ADK: variants seen among roughly 807,000 people sequenced by gnomAD.
ADK encodes N6,N6-dimethyladenosine kinase.
Under a neutral mutation model 44.7 loss-of-function variants are expected in ADK, and 24 were observed. That is an observed-to-expected ratio of 0.54 (90% confidence interval 0.39 to 0.76). ADK has a LOEUF of 0.76. Among genes scored for constraint, ADK ranks in the 30% least tolerant of loss-of-function variants. The pLI is 0.00. For synonymous variants in ADK, 128 were observed against 142.6 expected, an observed-to-expected ratio of 0.90 and a Z score of 0.73; for missense variants, 321 against 425.1, an observed-to-expected ratio of 0.76 and a Z score of 2.15.
At chr10:74,407,055 T>G (rs2132923465) in intron 6 of ADK, among the ~76,000 whole-genome samples, 1 of 150,826 alleles carries the variant, frequency 6.6e-6, no homozygotes, top group East Asian at 2.0e-4. Flanking sequence ...CAATATTGGG[T>G]CAATGCAACC....
At chr10:74,670,872 C>T (rs11001104) in intron 10 of ADK, among the ~76,000 whole-genome samples, 1 of 151,810 alleles carries the variant, frequency 6.6e-6, no homozygotes, top group South Asian at 2.1e-4. Context: ...GATCTAAAAT[C>T]TGATTCAAAA....
chr10:74,493,993 C>A (rs930591852), intron 6 of ADK, among the ~76,000 whole-genome samples: 2 of 151,832 alleles, frequency 1.3e-5, no homozygotes, highest in Non-Finnish European at 2.9e-5. Context: ...GTAATGTGGT[C>A]ATTTAATAGG....
At chr10:74,512,451 T>C (rs2133530805) in intron 6 of ADK, among the ~76,000 whole-genome samples, 1 of 148,572 alleles carries the variant, frequency 6.7e-6, no homozygotes, top group Admixed American at 6.8e-5. Flanking sequence ...ATTAAATCAA[T>C]CTTGTTTCTT....
At chr10:74,405,619 G>A (rs950908102) in intron 6 of ADK, among the ~76,000 whole-genome samples, 4 of 152,036 alleles carry the variant, frequency 2.6e-5, no homozygotes, top group Admixed American at 6.6e-5. Flanking sequence ...CTGCACAAGC[G>A]AGGGATCTAG....
intron 9 of ADK, among the ~76,000 whole-genome samples, chr10:74,609,818 A>C (rs376599111): frequency 4.6e-5 from 7 of 152,198 alleles, no homozygotes; most frequent in African/African-American, 1.7e-4. Flanking sequence ...TATGATATAC[A>C]TAAACTACTT....
intron 6 of ADK, among the ~76,000 whole-genome samples, chr10:74,491,862 T>C (rs1422180096): frequency 1.3e-5 from 2 of 152,188 alleles, no homozygotes; most frequent in African/African-American, 4.8e-5. Flanking sequence ...AGTATGGGGC[T>C]ATGGAGTTGG....
intron 4 of ADK, among the ~76,000 whole-genome samples, chr10:74,317,346 T>C (rs1840658971): frequency 6.6e-6 from 1 of 152,200 alleles, no homozygotes; most frequent in Non-Finnish European, 1.5e-5. Context: ...AGTTTGATAA[T>C]TGATGCTTTC....
At chr10:74,241,160 C>T (rs1017278372) in intron 3 of ADK, among the ~76,000 whole-genome samples, 4 of 152,180 alleles carry the variant, frequency 2.6e-5, no homozygotes, top group Admixed American at 6.6e-5. Context: ...ATTCAGCATA[C>T]GGTGTAATAT....
intron 3 of ADK, among the ~76,000 whole-genome samples, chr10:74,280,114 G>A (rs1021723969): frequency 6.6e-6 from 1 of 152,144 alleles, no homozygotes; most frequent in Non-Finnish European, 1.5e-5. Flanking sequence ...TGGTGGGATT[G>A]TGTCTTTTTA....
At chr10:74,489,254 A>T (rs1847382629) in intron 6 of ADK, among the ~76,000 whole-genome samples, 1 of 151,988 alleles carries the variant, frequency 6.6e-6, no homozygotes, top group Non-Finnish European at 1.5e-5. Context: ...CCAATGTAGA[A>T]GGGAAATGTC....
chr10:74,416,010 A>G (rs1027155212), intron 6 of ADK, among the ~76,000 whole-genome samples: 3 of 141,674 alleles, frequency 2.1e-5, no homozygotes, highest in African/African-American at 5.2e-5. Flanking sequence ...ACATACATTT[A>G]TATATACACA....
At chr10:74,334,776 C>G (rs1841350514) in intron 4 of ADK, among the ~76,000 whole-genome samples, 1 of 152,010 alleles carries the variant, frequency 6.6e-6, no homozygotes, top group Admixed American at 6.6e-5. Context: ...AGGGGGAGGG[C>G]TGGTCTCCAG....
At chr10:74,604,426 G>T (rs1281033347) in intron 9 of ADK, among the ~76,000 whole-genome samples, 1 of 152,108 alleles carries the variant, frequency 6.6e-6, no homozygotes, top group Non-Finnish European at 1.5e-5. Flanking sequence ...GTTAATTTTT[G>T]TATAAGGTGT....
At chr10:74,235,335 C>T (rs1387241979) in intron 3 of ADK, among the ~76,000 whole-genome samples, 6 of 151,960 alleles carry the variant, frequency 3.9e-5, no homozygotes, top group African/African-American at 1.2e-4. Context: ...AAAAAATTTT[C>T]CTTTTTCTTT....
chr10:74,219,666 T>C (rs1424563276), intron 2 of ADK, among the ~76,000 whole-genome samples: 1 of 151,710 alleles, frequency 6.6e-6, no homozygotes, highest in Non-Finnish European at 1.5e-5. Flanking sequence ...TATAACAAAC[T>C]GTCTCTCAGA....
At chr10:74,319,378 G>C (rs138693026) in intron 4 of ADK, among the ~76,000 whole-genome samples, 10 of 152,232 alleles carry the variant, frequency 6.6e-5, no homozygotes, top group African/African-American at 1.9e-4. Flanking sequence ...GCCTGCAGAT[G>C]GCTACCCTCT....
intron 6 of ADK, among the ~76,000 whole-genome samples, chr10:74,484,461 A>G (rs1847194702): frequency 6.6e-6 from 1 of 152,186 alleles, no homozygotes; most frequent in Non-Finnish European, 1.5e-5. Flanking sequence ...TATTTTTATT[A>G]CAAAGCTCAG....
intron 6 of ADK, among the ~76,000 whole-genome samples, chr10:74,458,259 T>G (rs1043375086): frequency 1.3e-5 from 2 of 148,492 alleles, no homozygotes; most frequent in Non-Finnish European, 3.0e-5. Flanking sequence ...AGGCTCCAAG[T>G]ATCTGGACTC....
At chr10:74,576,780 A>G (rs1298920968) in intron 7 of ADK, among the ~76,000 whole-genome samples, 2 of 152,102 alleles carry the variant, frequency 1.3e-5, no homozygotes, top group African/African-American at 2.4e-5. Flanking sequence ...ATTACCTTCA[A>G]TTTCCATTGT....
Sources: allele counts gnomAD v4.1 joint callset (sites outside exome capture counted in the v4.1 genomes callset), GRCh38; gene constraint gnomAD v4.1.1; transcripts MANE v1.5; gene names NCBI Gene and HGNC (gene_info 2026-07-23, HGNC 2026-07-21).